MDGA2: variants seen among roughly 807,000 people sequenced by gnomAD.
MDGA2 encodes the protein MAM domain containing glycosylphosphatidylinositol anchor 2.
Under a neutral mutation model 117.8 loss-of-function variants are expected in MDGA2, and 40 were observed. The ratio of observed to expected loss-of-function variants is 0.34; its 90% CI spans 0.26 to 0.44. The LOEUF (loss-of-function observed/expected upper bound fraction) is 0.44. Among genes scored for constraint, MDGA2 ranks in the 20% least tolerant of loss-of-function variants. The pLI, the probability that MDGA2 is intolerant of heterozygous loss-of-function variation, is 1.00. For missense variants in MDGA2, 1,123 were observed against 1,250.6 expected, an observed-to-expected ratio of 0.90 and a Z score of 1.54; for synonymous variants, 452 against 439.0, an observed-to-expected ratio of 1.03 and a Z score of -0.37.
intron 1 of MDGA2, among the ~76,000 whole-genome samples, chr14:47,653,918 A>T (rs1897692555): frequency 6.6e-6 from 1 of 152,192 alleles, no homozygotes; most frequent in Admixed American, 6.5e-5. Flanking sequence ...TAGAGCTTTC[A>T]AAAAGAAGTG....
chr14:47,625,116 G>C (rs1340906695), intron 1 of MDGA2, among the ~76,000 whole-genome samples: 1 of 152,148 alleles, frequency 6.6e-6, no homozygotes, highest in African/African-American at 2.4e-5. Flanking sequence ...TAGGTAGTAA[G>C]TGACAAATCT....
At chr14:46,938,191 G>GA (rs2138571897) in intron 9 of MDGA2, among the ~76,000 whole-genome samples, 1 of 152,012 alleles carries the variant, frequency 6.6e-6, no homozygotes, top group East Asian at 1.9e-4. Context: ...AAAAATATTT[G>GA]AAAAAATGCT....
In MDGA2 at chr14:46,841,627, A is replaced by ATTT. The variant is rs34567649; in HGVS notation, c.*301_*303dup. The ATTT allele has an allele frequency of 6.9e-5, 9 of 130,130 alleles. No individual in the cohort carries two copies. Among genetic ancestry groups the ATTT allele is most frequent in the Non-Finnish European group, 1.3e-4 (8 of 63,886 alleles). 8.1% of individuals were successfully genotyped at this position (130,130 alleles called of 1,614,324 possible). On this transcript the variant is annotated 3_prime_UTR_variant, in exon 17 of 17. Coordinates refer to ENST00000399232, the MANE Select transcript of MDGA2 (RefSeq NM_001113498.3). ...TAGCTCTTTTTTTTTTCTTTTTTTCATTTTTTTTTTTTTTTCCAGAGTTCA... is the reference window on the plus strand; with the variant it reads ...TAGCTCTTTTTTTTTTCTTTTTTTCATTTTTTTTTTTTTTTTTTCCAGAGTTCA...
intron 9 of MDGA2, among the ~76,000 whole-genome samples, chr14:46,926,959 G>A (rs981916157): frequency 1.3e-5 from 2 of 152,122 alleles, no homozygotes; most frequent in Non-Finnish European, 2.9e-5. Context: ...CTTCTGACCG[G>A]ATCCTGAGCG....
chr14:47,107,834 G>C (rs534033872), intron 5 of MDGA2, among the ~76,000 whole-genome samples: 15,597 of 149,932 alleles, frequency 0.1, 457 homozygotes, highest in Admixed American at 0.11. Context: ...TGCGTGCAGT[G>C]GCTGCCGCTG....
chr14:47,264,718 T>C (rs1887907947), intron 2 of MDGA2, among the ~76,000 whole-genome samples: 1 of 152,162 alleles, frequency 6.6e-6, no homozygotes, highest in African/African-American at 2.4e-5. Context: ...ATATGCAGAA[T>C]GTGCAGGTTT....
intron 8 of MDGA2, among the ~76,000 whole-genome samples, chr14:47,025,660 T>C (rs1412350646): frequency 6.6e-6 from 1 of 150,918 alleles, no homozygotes; most frequent in African/African-American, 2.4e-5. Context: ...CAAGCCTAAG[T>C]AGCCTCTAAA....
At chr14:47,370,616 T>A (rs1190943923) in intron 1 of MDGA2, among the ~76,000 whole-genome samples, 1 of 150,932 alleles carries the variant, frequency 6.6e-6, no homozygotes, top group African/African-American at 2.4e-5. Flanking sequence ...GAATGTGTTG[T>A]TTATTGAAAT....
rs577672540 is a variant in MDGA2, at chr14:47,498,731, C to T, written c.280+175786G>A. On this transcript the variant is annotated intron_variant, in intron 1 of 16. Coordinates refer to ENST00000399232, the MANE Select transcript of MDGA2 (RefSeq NM_001113498.3). ...GTATATGAAATAAAGGGGCCCAATGCTTAACAAAATAAAAATATTAGGAAA... is the reference window on the plus strand; with the variant it reads ...GTATATGAAATAAAGGGGCCCAATGTTTAACAAAATAAAAATATTAGGAAA... Among the ~76,000 whole-genome samples, 8 of 152,032 alleles carry T rather than the reference C, an allele frequency of 5.3e-5. No homozygotes were observed. The South Asian group carries it at 1.7e-3, about 32-fold the overall frequency.
chr14:47,167,112 A>G (rs1035399792), intron 3 of MDGA2, among the ~76,000 whole-genome samples: 1 of 152,192 alleles, frequency 6.6e-6, no homozygotes, highest in South Asian at 2.1e-4. Context: ...AACTCTCTCT[A>G]TATATACTTT....
At chr14:47,600,461 G>A (rs1896627582) in intron 1 of MDGA2, among the ~76,000 whole-genome samples, 1 of 152,038 alleles carries the variant, frequency 6.6e-6, no homozygotes, top group African/African-American at 2.4e-5. Flanking sequence ...TATCGTATAT[G>A]GTTGTCCCAG....
intron 10 of MDGA2, among the ~76,000 whole-genome samples, chr14:46,918,417 GAAAT>G (rs1283933881): frequency 1.3e-5 from 2 of 152,096 alleles, no homozygotes; most frequent in Non-Finnish European, 2.9e-5. Context: ...AAGGAAAAAA[GAAAT>G]AAGCCCACAA....
At chr14:47,106,125 T>A (rs1476782809) in intron 5 of MDGA2, among the ~76,000 whole-genome samples, 1 of 152,140 alleles carries the variant, frequency 6.6e-6, no homozygotes, top group Non-Finnish European at 1.5e-5. Flanking sequence ...CCAGCCCAGT[T>A]CATGGCTCAT....
At chr14:47,259,507 T>C (rs891694569) in intron 2 of MDGA2, among the ~76,000 whole-genome samples, 1 of 152,104 alleles carries the variant, frequency 6.6e-6, no homozygotes, top group Non-Finnish European at 1.5e-5. Flanking sequence ...AATGAACATA[T>C]GGGTGTTCTT....
intron 1 of MDGA2, among the ~76,000 whole-genome samples, chr14:47,651,213 GGTGTGTGTGTGTGT>G (rs56853118): frequency 8.9e-5 from 13 of 146,518 alleles, no homozygotes; most frequent in African/African-American, 2.0e-4. Context: ...GTGTGCATGT[GGTGTGTGTGTGTGT>G]GTGTGTGTGT....
chr14:47,203,937 A>C (rs1216213946), intron 3 of MDGA2, among the ~76,000 whole-genome samples: 1 of 152,038 alleles, frequency 6.6e-6, no homozygotes, highest in African/African-American at 2.4e-5. Context: ...TGGGGTCTTT[A>C]GGCAAGGTAA....
intron 1 of MDGA2, among the ~76,000 whole-genome samples, chr14:47,449,482 A>C (rs1199019974): frequency 2.0e-5 from 3 of 152,146 alleles, no homozygotes; most frequent in African/African-American, 7.2e-5. Flanking sequence ...GTTTTATTTC[A>C]AAGGAGCATA....
intron 8 of MDGA2, among the ~76,000 whole-genome samples, chr14:46,958,821 T>G (rs999880794): frequency 6.6e-6 from 1 of 152,224 alleles, no homozygotes; most frequent in African/African-American, 2.4e-5. Context: ...ATAGTCCACA[T>G]GTTTTCAATC....
chr14:47,645,855 G>C (rs1256724768), intron 1 of MDGA2, among the ~76,000 whole-genome samples: 1 of 151,598 alleles, frequency 6.6e-6, no homozygotes, highest in Non-Finnish European at 1.5e-5. Flanking sequence ...GGTGGATCAC[G>C]AGGTCAGAAG....
Sources: allele counts gnomAD v4.1 joint callset (sites outside exome capture counted in the v4.1 genomes callset), GRCh38; gene constraint gnomAD v4.1.1; transcripts MANE v1.5; gene names NCBI Gene and HGNC (gene_info 2026-07-23, HGNC 2026-07-21).